Variants in RANBP2 observed in about 807,000 individuals in gnomAD.
RANBP2 encodes E3 SUMO-protein ligase RanBP2.
RANBP2 carries 57 observed loss-of-function variants against 303.6 expected under a neutral mutation model. That is an observed-to-expected ratio of 0.19 (90% CI 0.15 to 0.23). RANBP2 has a LOEUF of 0.23. RANBP2 is among the 10% of genes least tolerant of loss of function. The pLI is 1.00. For synonymous variants in RANBP2, 1,167 were observed against 1,301.5 expected (o/e 0.90, Z 2.23); for missense variants, 3,138 against 3,780.8 (o/e 0.83, Z 4.46).
the RANBP2 span, among the ~76,000 whole-genome samples, chr2:109,212,404 G>A: frequency 1.3e-5 from 2 of 152,240 alleles, no homozygotes; most frequent in South Asian, 2.1e-4. Flanking sequence ...AACTTGGACA[G>A]TATTTCATTT....
the RANBP2 span, among the ~76,000 whole-genome samples, chr2:109,199,633 G>GAACCC: frequency 0.019 from 1 of 54 alleles, no homozygotes; most frequent in Non-Finnish European, 0.033. Flanking sequence ...GGAATGGAAT[G>GAACCC]GAATGGAATG....
the RANBP2 span, among the ~76,000 whole-genome samples, chr2:109,522,131 C>T: frequency 6.6e-6 from 1 of 152,030 alleles, no homozygotes; most frequent in Non-Finnish European, 1.5e-5. Flanking sequence ...GAGCCTCCTA[C>T]CAGTTGAGAT....
At chr2:109,665,702 G>A in the RANBP2 span, 2 of 165,432 alleles carry the variant, frequency 1.2e-5, no homozygotes, top group Admixed American at 1.2e-4. Flanking sequence ...CCATTCGCAG[G>A]ATGGGTGAGT....
chr2:109,110,128 A>G, the RANBP2 span, among the ~76,000 whole-genome samples: 1 of 152,214 alleles, frequency 6.6e-6, no homozygotes, highest in Admixed American at 6.5e-5. Flanking sequence ...GCTGGAGTCT[A>G]GCACACACAG....
chr2:108,852,447 A>G, the RANBP2 span, among the ~76,000 whole-genome samples: 1 of 152,206 alleles, frequency 6.6e-6, no homozygotes, highest in South Asian at 2.1e-4. Flanking sequence ...GGACACATGC[A>G]TGTGTTGTGT....
the RANBP2 span, among the ~76,000 whole-genome samples, chr2:109,315,387 C>T: frequency 0.31 from 47,501 of 152,140 alleles, 9,191 homozygotes; most frequent in African/African-American, 0.55. Flanking sequence ...ATTAGTGATT[C>T]AAAACAAAGT....
At chr2:108,936,842 A>G in the RANBP2 span, among the ~76,000 whole-genome samples, 4 of 152,248 alleles carry the variant, frequency 2.6e-5, no homozygotes, top group African/African-American at 4.8e-5. Context: ...GGAGGAAAGC[A>G]GAGAAGGTAG....
At chr2:109,656,813 A>C in the RANBP2 span, among the ~76,000 whole-genome samples, 1 of 152,350 alleles carries the variant, frequency 6.6e-6, no homozygotes, top group South Asian at 2.1e-4. Flanking sequence ...GTGAATGCAG[A>C]ATAAGACCTT....
chr2:109,249,725 G>A, the RANBP2 span, among the ~76,000 whole-genome samples: 1 of 151,200 alleles, frequency 6.6e-6, no homozygotes, highest in African/African-American at 2.4e-5. Flanking sequence ...TCAGCTCACT[G>A]CAAGCTCCGC....
chr2:109,495,477 C>CTTTTTTTTTTTT, the RANBP2 span, among the ~76,000 whole-genome samples: 28 of 94,278 alleles, frequency 3.0e-4, 1 homozygote, highest in African/African-American at 1.0e-3. Flanking sequence ...TCTTTCATTC[C>CTTTTTTTTTTTT]TTTTTTTTTT....
the RANBP2 span, among the ~76,000 whole-genome samples, chr2:109,622,155 C>G: frequency 2.6e-5 from 4 of 152,098 alleles, no homozygotes; most frequent in African/African-American, 7.2e-5. Flanking sequence ...TCATAATACC[C>G]CTTCCCTGAT....
At position 108,736,245 on chromosome 2, in the gene RANBP2, C is replaced by G. The variant is rs766860633; in HGVS notation, c.778C>G (p.Gln260Glu). 8 of 1,611,824 alleles carry G rather than the reference C, an allele frequency of 5.0e-6. No homozygotes were observed. The highest frequency in any genetic ancestry group is 1.3e-5 in the African/African-American group (1 of 74,858). Residue 260 changes from glutamine to glutamate, a missense_variant, in exon 6 of 29, where the codon CAA becomes GAA. Gln to Glu is a conservative substitution (Grantham distance 29). Around this residue, in one of 20 missense-constraint regions of RANBP2, gnomAD observed 306 missense variants for 381.9 expected, o/e 0.80. Coordinates refer to ENST00000283195, the MANE Select transcript of RANBP2 (RefSeq NM_006267.5). ...RDVQESRELL[Q>E]SFDSALQSVK... ...TGTGCAGGAAAGTAGAGAATTACTG[C>G]AAAGGTACGTTGACTTTGAGAAGAA...
At chr2:109,463,166 T>A in the RANBP2 span, among the ~76,000 whole-genome samples, 1 of 152,240 alleles carries the variant, frequency 6.6e-6, no homozygotes, top group Non-Finnish European at 1.5e-5. Context: ...TATACTTCTG[T>A]TCACTAGACC....
At chr2:109,672,955 T>C in the RANBP2 span, among the ~76,000 whole-genome samples, 10 of 152,332 alleles carry the variant, frequency 6.6e-5, no homozygotes, top group South Asian at 1.9e-3. Context: ...TTATAGGTTG[T>C]TTGATATTAC....
the RANBP2 span, among the ~76,000 whole-genome samples, chr2:109,353,493 A>G: frequency 6.6e-6 from 1 of 152,010 alleles, no homozygotes; most frequent in Non-Finnish European, 1.5e-5. Context: ...TTGAGACCCC[A>G]CCACCGCCTG....
the RANBP2 span, among the ~76,000 whole-genome samples, chr2:109,391,608 G>A: frequency 2.0e-5 from 3 of 152,230 alleles, no homozygotes; most frequent in African/African-American, 7.2e-5. Flanking sequence ...GCCGGGCAGG[G>A]AGCATCAGTC....
At chr2:109,104,433 G>A in the RANBP2 span, among the ~76,000 whole-genome samples, 1 of 31,650 alleles carries the variant, frequency 3.2e-5, no homozygotes, top group Non-Finnish European at 8.8e-5. Flanking sequence ...CCGAGAGAGG[G>A]GTCCGTTCAG....
At chr2:108,966,142 A>G in the RANBP2 span, among the ~76,000 whole-genome samples, 1 of 152,144 alleles carries the variant, frequency 6.6e-6, no homozygotes, top group Non-Finnish European at 1.5e-5. Context: ...TGATAAGACC[A>G]ACTTTGAAGC....
chr2:109,144,690 G>A, the RANBP2 span, among the ~76,000 whole-genome samples: 1 of 152,204 alleles, frequency 6.6e-6, no homozygotes, highest in Non-Finnish European at 1.5e-5. Flanking sequence ...CCACTGCACT[G>A]GGTCCAGGTT....
Sources: allele counts gnomAD v4.1 joint callset (sites outside exome capture counted in the v4.1 genomes callset), GRCh38; gene constraint gnomAD v4.1.1; regional missense constraint gnomAD v4.1.1; transcripts MANE v1.5; gene names NCBI Gene and HGNC (gene_info 2026-07-23, HGNC 2026-07-21).